CLDN14: variants seen among roughly 807,000 people sequenced by gnomAD.
CLDN14 encodes the protein claudin-14.
A neutral mutation model predicts 2.1 loss-of-function variants in CLDN14; 2 were observed. That is an observed-to-expected ratio of 0.96 (90% confidence interval 0.39 to 3.01). The LOEUF (loss-of-function observed/expected upper bound fraction) is 3.01, where lower values mean the gene tolerates loss of function less well. Among genes scored for constraint, CLDN14 ranks in the 30% most tolerant of loss-of-function variants. The pLI, the probability that CLDN14 is intolerant of heterozygous loss-of-function variation, is 0.09. For missense variants in CLDN14, 298 were observed against 328.0 expected, an observed-to-expected ratio of 0.91 and a Z score of 0.71; for synonymous variants, 136 against 154.4, an observed-to-expected ratio of 0.88 and a Z score of 0.88.
At position 36,573,609 on chromosome 21, in the gene CLDN14, C is replaced by T. The variant is rs1052550768; in HGVS notation, c.-220+2802G>A. ...ATACATGGTGAAAACTACAACACTTCAGTTTCTTAATTTATTTACTATCTA... is the reference window on the plus strand; with the variant it reads ...ATACATGGTGAAAACTACAACACTTTAGTTTCTTAATTTATTTACTATCTA... On this transcript the variant is annotated intron_variant, in intron 1 of 2. Coordinates refer to the CLDN14 transcript ENST00000342108. Among the ~76,000 whole-genome samples, 4 of 152,112 alleles carry T rather than the reference C, an allele frequency of 2.6e-5. No individual in the cohort carries two copies. In the East Asian group the frequency reaches 5.8e-4, roughly 22 times the overall value.
chr21:36,553,760 T>C (rs1239216733), intron 1 of CLDN14, among the ~76,000 whole-genome samples: 1 of 152,042 alleles, frequency 6.6e-6, no homozygotes, highest in Non-Finnish European at 1.5e-5. Flanking sequence ...GCCAAGAAGA[T>C]ATTCTTACTC....
At chr21:36,509,076 A>G (rs1303655211) in intron 2 of CLDN14, among the ~76,000 whole-genome samples, 1 of 152,238 alleles carries the variant, frequency 6.6e-6, no homozygotes, top group African/African-American at 2.4e-5. Context: ...GAAAGAATAT[A>G]TAAAAACCAA....
chr21:36,475,176 C>T (rs1379117128), intron 1 of CLDN14, among the ~76,000 whole-genome samples: 1 of 152,146 alleles, frequency 6.6e-6, no homozygotes, highest in Non-Finnish European at 1.5e-5. Flanking sequence ...CTGCGAGGGT[C>T]CCAAGTGGAC....
chr21:36,531,008 A>G (rs1476218013), intron 1 of CLDN14, among the ~76,000 whole-genome samples: 1 of 152,172 alleles, frequency 6.6e-6, no homozygotes, highest in Non-Finnish European at 1.5e-5. Flanking sequence ...AGATGGGCAG[A>G]TCACTTGAGG....
intron 1 of CLDN14, among the ~76,000 whole-genome samples, chr21:36,538,571 A>G (rs9305595): frequency 0.48 from 72,835 of 151,860 alleles, 19,593 homozygotes; most frequent in Middle Eastern, 0.62. Context: ...CCGAGATCGC[A>G]CCACTGCACT....
At chr21:36,524,806 G>T (rs1344495563) in intron 1 of CLDN14, among the ~76,000 whole-genome samples, 1 of 152,210 alleles carries the variant, frequency 6.6e-6, no homozygotes, top group Non-Finnish European at 1.5e-5. Context: ...TGCTCTGCCG[G>T]GCTGTGACTC....
intron 2 of CLDN14, chr21:36,486,863 G>A: frequency 1.4e-6 from 1 of 713,780 alleles, no homozygotes; most frequent in South Asian, 1.4e-5. Flanking sequence ...CCCTTGGGTT[G>A]GACGGTGTGT....
intron 1 of CLDN14, among the ~76,000 whole-genome samples, chr21:36,538,236 C>T (rs545495532): frequency 1.3e-5 from 2 of 152,090 alleles, no homozygotes; most frequent in East Asian, 1.9e-4. Context: ...CCCTAGTGTA[C>T]CCCCAAACAA....
At chr21:36,515,941 C>T (rs917217141) in intron 1 of CLDN14, among the ~76,000 whole-genome samples, 58 of 151,896 alleles carry the variant, frequency 3.8e-4, no homozygotes, top group African/African-American at 1.3e-3. Context: ...TGTGCACCAC[C>T]ATGCCAGGCT....
intron 2 of CLDN14, among the ~76,000 whole-genome samples, chr21:36,488,220 C>CCCTCCCTTCCTTCCTT (rs2086917732): frequency 1.3e-4 from 13 of 97,238 alleles, no homozygotes; most frequent in Admixed American, 1.2e-3. Context: ...ACTGTGATTC[C>CCCTCCCTTCCTTCCTT]CCTTCCTTCC....
chr21:36,500,350 G>A (rs556164356), intron 2 of CLDN14, among the ~76,000 whole-genome samples: 22 of 152,272 alleles, frequency 1.4e-4, no homozygotes, highest in South Asian at 2.1e-4. Context: ...GTGACGCCTC[G>A]GACAGTGACA....
chr21:36,517,810 A>G (rs2087239761), intron 1 of CLDN14, among the ~76,000 whole-genome samples: 2 of 152,200 alleles, frequency 1.3e-5, no homozygotes, highest in African/African-American at 4.8e-5. Flanking sequence ...GGAGGAGATC[A>G]ACATTTAAAT....
chr21:36,574,571 AG>A (rs1375710051), intron 1 of CLDN14, among the ~76,000 whole-genome samples: 1 of 152,364 alleles, frequency 6.6e-6, no homozygotes, highest in East Asian at 1.9e-4. Context: ...TTGACTATCA[AG>A]GGCTCAAGGG....
chr21:36,537,325 AG>A (rs954057213), intron 1 of CLDN14, among the ~76,000 whole-genome samples: 7 of 152,218 alleles, frequency 4.6e-5, no homozygotes, highest in African/African-American at 1.7e-4. Context: ...CATAACAAAA[AG>A]TCTGGGAGAC....
intron 2 of CLDN14, among the ~76,000 whole-genome samples, chr21:36,502,850 C>T (rs929617386): frequency 6.6e-4 from 100 of 152,060 alleles, no homozygotes; most frequent in African/African-American, 2.1e-3. Flanking sequence ...ATCCATCTGA[C>T]CTAAAGGAAG....
At position 36,499,324 on chromosome 21, in the gene CLDN14, G is replaced by A. The variant is rs776396882; in HGVS notation, c.-82+11039C>T. On this transcript the variant is annotated intron_variant, in intron 2 of 2. Coordinates refer to the CLDN14 transcript ENST00000342108. The surrounding 1 kb of genome is among the most constrained non-coding windows in gnomAD (Gnocchi z 4.7). The stretch of plus-strand genomic sequence containing the variant: ...GAGTGCAGTGGTGTGATCTCAGCTC[G>A]CTGCAACCTCTGCCTCCTGGGTTCA... Among the ~76,000 whole-genome samples the A allele has an allele frequency of 2.0e-4, 31 of 152,220 alleles. No homozygotes were observed. The highest frequency in any genetic ancestry group is 5.8e-4 in the East Asian group (3 of 5,184).
At chr21:36,517,365 C>T (rs1168104404) in intron 1 of CLDN14, among the ~76,000 whole-genome samples, 1 of 152,100 alleles carries the variant, frequency 6.6e-6, no homozygotes, top group Non-Finnish European at 1.5e-5. Flanking sequence ...ATTGTCTGGC[C>T]CTTTACAGTA....
At chr21:36,534,636 C>T (rs79287246) in intron 1 of CLDN14, among the ~76,000 whole-genome samples, 63 of 152,248 alleles carry the variant, frequency 4.1e-4, no homozygotes, top group Non-Finnish European at 7.4e-4. Context: ...GACTCCTCAG[C>T]GAGGCGCACA....
At chr21:36,547,838 G>A (rs2087536237) in intron 1 of CLDN14, among the ~76,000 whole-genome samples, 1 of 152,206 alleles carries the variant, frequency 6.6e-6, no homozygotes, top group Non-Finnish European at 1.5e-5. Flanking sequence ...TCACTCACCC[G>A]CTGATCCTCC....
Sources: gnomAD v4.1 joint callset for allele counts (sites outside exome capture counted in the v4.1 genomes callset) on GRCh38, gnomAD v4.1.1 for gene constraint, Gnocchi (gnomAD v3.1) non-coding constraint, MANE v1.5 for transcripts, NCBI Gene and HGNC (gene_info 2026-07-23, HGNC 2026-07-21) for gene names.